Variants in PARD3B observed in about 807,000 individuals in gnomAD.
PARD3B encodes the protein par-3 family cell polarity regulator beta, also known as partitioning defective 3 homolog B.
Under a neutral mutation model 130.2 loss-of-function variants are expected in PARD3B, and 103 were observed. The observed-to-expected ratio is 0.79, with a 90% CI of 0.67 to 0.93. The LOEUF is 0.93. Ranked by LOEUF, PARD3B falls within the 40% of genes least tolerant of loss-of-function variation. The pLI is 0.00. For synonymous variants in PARD3B, 583 were observed against 553.2 expected, an observed-to-expected ratio of 1.05 and a Z score of -0.76; for missense variants, 1,609 against 1,499.2, an observed-to-expected ratio of 1.07 and a Z score of -1.21.
At chr2:205,120,455 G>A (rs1370663890) in intron 7 of PARD3B, among the ~76,000 whole-genome samples, 1 of 152,074 alleles carries the variant, frequency 6.6e-6, no homozygotes, top group Admixed American at 6.6e-5. Context: ...TGCGGGGTAG[G>A]GTTTAAGGAA....
intron 10 of PARD3B, among the ~76,000 whole-genome samples, chr2:205,140,486 C>CTATT (rs1397247806): frequency 1.7e-5 from 2 of 117,496 alleles, no homozygotes; most frequent in Non-Finnish European, 3.4e-5. Context: ...AAGACCGTTC[C>CTATT]TTTTTTTTTT....
At chr2:205,536,912 A>G (rs1156997945) in intron 21 of PARD3B, among the ~76,000 whole-genome samples, 2 of 152,204 alleles carry the variant, frequency 1.3e-5, no homozygotes, top group Non-Finnish European at 2.9e-5. Flanking sequence ...CATCTGTCAC[A>G]AATACATTAT....
chr2:205,350,524 A>G (rs2043960449), intron 18 of PARD3B, among the ~76,000 whole-genome samples: 1 of 152,206 alleles, frequency 6.6e-6, no homozygotes, highest in African/African-American at 2.4e-5. Context: ...CGCCATTCTC[A>G]AAGTACTATT....
At chr2:204,838,252 G>T (rs538300636) in intron 2 of PARD3B, among the ~76,000 whole-genome samples, 117 of 151,104 alleles carry the variant, frequency 7.7e-4, no homozygotes, top group African/African-American at 2.6e-3. Context: ...GCACGATCTC[G>T]GCTCACTGCA....
intron 18 of PARD3B, among the ~76,000 whole-genome samples, chr2:205,392,702 A>G (rs1255559787): frequency 6.6e-6 from 1 of 152,180 alleles, no homozygotes; most frequent in Non-Finnish European, 1.5e-5. Flanking sequence ...GCAAATCCCT[A>G]TCTACTTTTG....
chr2:205,384,406 C>T (rs958429888), intron 18 of PARD3B, among the ~76,000 whole-genome samples: 3 of 151,602 alleles, frequency 2.0e-5, no homozygotes, highest in African/African-American at 7.3e-5. Flanking sequence ...GCCTCTGAGT[C>T]ACTGAGAATT....
intron 4 of PARD3B, among the ~76,000 whole-genome samples, chr2:205,060,272 G>T (rs1699990416): frequency 6.6e-6 from 1 of 152,004 alleles, no homozygotes; most frequent in Non-Finnish European, 1.5e-5. Flanking sequence ...AAAAATGGTG[G>T]CGTTCTATTT....
chr2:205,236,780 A>ATG (rs1559572260), intron 15 of PARD3B, among the ~76,000 whole-genome samples: 3 of 152,208 alleles, frequency 2.0e-5, no homozygotes, highest in African/African-American at 7.2e-5. Flanking sequence ...TGGTGGACAC[A>ATG]TCACGTTACT....
At chr2:205,454,896 C>A (rs997690318) in intron 20 of PARD3B, among the ~76,000 whole-genome samples, 8 of 152,102 alleles carry the variant, frequency 5.3e-5, no homozygotes, top group Admixed American at 4.6e-4. Flanking sequence ...TAAAGTCAAA[C>A]ACAAGATAAG....
chr2:205,484,580 C>T (rs139016866), intron 20 of PARD3B, among the ~76,000 whole-genome samples: 8 of 152,156 alleles, frequency 5.3e-5, no homozygotes, highest in African/African-American at 1.9e-4. Flanking sequence ...CATGCTCTTC[C>T]AAACCTCCTG....
intron 19 of PARD3B, among the ~76,000 whole-genome samples, chr2:205,424,585 GCCAGGTGTGAAATT>G (rs2047080022): frequency 6.6e-6 from 1 of 152,114 alleles, no homozygotes; most frequent in African/African-American, 2.4e-5. Flanking sequence ...GAGTGCACCA[GCCAGGTGTGAAATT>G]CCAGGTGACA....
chr2:204,697,667 T>A (rs1023707783), intron 2 of PARD3B, among the ~76,000 whole-genome samples: 15 of 152,218 alleles, frequency 9.9e-5, no homozygotes, highest in Admixed American at 9.2e-4. Context: ...GCCTACATAG[T>A]CCGTTGTGAT....
At chr2:204,600,082 A>G (rs984185098) in intron 1 of PARD3B, among the ~76,000 whole-genome samples, 5 of 151,550 alleles carry the variant, frequency 3.3e-5, no homozygotes, top group Non-Finnish European at 7.4e-5. Flanking sequence ...TTTGAATATT[A>G]ATCCCCTGTC....
intron 2 of PARD3B, among the ~76,000 whole-genome samples, chr2:204,823,501 A>C (rs887034113): frequency 6.6e-6 from 1 of 152,162 alleles, no homozygotes; most frequent in Non-Finnish European, 1.5e-5. Flanking sequence ...GGCTACATAC[A>C]TAAGTATAAT....
In PARD3B at chr2:205,015,926, G is replaced by A. The variant is rs369468013; in HGVS notation, c.395-31655G>A. On this transcript the variant is annotated intron_variant, in intron 3 of 22. Coordinates refer to ENST00000406610, the MANE Select transcript of PARD3B (RefSeq NM_001302769.2). The surrounding 1 kb of genome is among the most constrained non-coding windows in gnomAD (Gnocchi z 4.5). ...GCAGCCTTGCCTGCCTACCTAGACC[G>A]TTTCTGCACTCCACCTGAGGCCACC... Among the ~76,000 whole-genome samples, 13 of 152,098 alleles carry A rather than the reference G, an allele frequency of 8.5e-5. No homozygotes were observed. Among genetic ancestry groups the A allele is most frequent in the East Asian group, 3.9e-4 (2 of 5,182 alleles).
At chr2:204,846,624 G>C (rs2044471788) in intron 2 of PARD3B, among the ~76,000 whole-genome samples, 2 of 150,590 alleles carry the variant, frequency 1.3e-5, no homozygotes, top group Non-Finnish European at 3.0e-5. Flanking sequence ...TGCTCTTTCT[G>C]TTTCTCTCTC....
chr2:204,971,834 ATTTTTTT>A (rs3038727), intron 3 of PARD3B, among the ~76,000 whole-genome samples: 2 of 131,220 alleles, frequency 1.5e-5, no homozygotes, highest in East Asian at 2.2e-4. Context: ...TTTTGTTTTA[ATTTTTTT>A]TTTTTTTTTT....
intron 10 of PARD3B, among the ~76,000 whole-genome samples, chr2:205,153,971 A>C (rs1575980916): frequency 6.6e-6 from 1 of 152,254 alleles, no homozygotes. Context: ...AATATCATTC[A>C]GGACATAGGC....
At position 205,300,750 on chromosome 2, in the gene PARD3B, C is replaced by T. The variant is rs369365742; in HGVS notation, c.2392+14C>T. ...AAATAGAAGCTGGTAGGATGATATG[C>T]TTCCTTAAATGGCTTCTTCATCTCA... On this transcript the variant is annotated intron_variant, in intron 17 of 22. Transcript: ENST00000406610. This position sits in a 1 kb window ranked among gnomAD's most constrained non-coding sequence, Gnocchi z 4.1. 64 of 1,600,104 alleles carry T rather than the reference C, an allele frequency of 4.0e-5. No homozygotes were observed. The African/African-American group carries it at 7.0e-4, about 17-fold the overall frequency.
Sources: gnomAD v4.1 joint callset for allele counts (sites outside exome capture counted in the v4.1 genomes callset) on GRCh38, gnomAD v4.1.1 for gene constraint, Gnocchi (gnomAD v3.1) non-coding constraint, MANE v1.5 for transcripts, NCBI Gene and HGNC (gene_info 2026-07-23, HGNC 2026-07-21) for gene names.